Variants in OPHN1 observed in about 807,000 individuals in gnomAD.
The protein encoded by OPHN1 is oligophrenin 1.
A neutral mutation model predicts 60.7 loss-of-function variants in OPHN1; 11 were observed. The observed-to-expected ratio is 0.18, with a 90% CI of 0.11 to 0.30. The LOEUF (loss-of-function observed/expected upper bound fraction) is 0.30, where lower values mean the gene tolerates loss of function less well. Among genes scored for constraint, OPHN1 ranks in the 10% least tolerant of loss-of-function variants. The pLI is 1.00. For synonymous variants in OPHN1, 226 were observed against 222.6 expected, an observed-to-expected ratio of 1.02 and a Z score of -0.14; for missense variants, 449 against 611.0, an observed-to-expected ratio of 0.73 and a Z score of 2.80.
chrX:68,272,280 A>C (rs1024741376), intron 5 of OPHN1, among the ~76,000 whole-genome samples: 9 of 111,271 alleles, frequency 8.1e-5, no homozygotes, highest in African/African-American at 2.9e-4. Context: ...AGAAGTATGA[A>C]AAAAGATAGA....
intron 10 of OPHN1, among the ~76,000 whole-genome samples, chrX:68,203,605 T>C (rs2077545192): frequency 8.9e-6 from 1 of 111,798 alleles, no homozygotes. Flanking sequence ...CTCTTTAAAT[T>C]CTCAATGTCC....
chrX:68,188,521 C>T (rs927638551), intron 15 of OPHN1, among the ~76,000 whole-genome samples: 1 of 111,886 alleles, frequency 8.9e-6, no homozygotes, highest in Admixed American at 9.5e-5. Context: ...CATATACACA[C>T]ATATACAAGG....
intron 18 of OPHN1, among the ~76,000 whole-genome samples, chrX:68,099,068 T>G (rs768846557): frequency 8.9e-6 from 1 of 111,852 alleles, no homozygotes; most frequent in Admixed American, 9.5e-5. Flanking sequence ...TAAAGCCACC[T>G]TCTGATTCTC....
At chrX:68,146,873 CAT>C (rs769893448) in intron 15 of OPHN1, among the ~76,000 whole-genome samples, 22 of 111,716 alleles carry the variant, frequency 2.0e-4, no homozygotes, top group African/African-American at 6.8e-4. Context: ...CAAAGGCAAA[CAT>C]GTTCACAAGC....
intron 15 of OPHN1, among the ~76,000 whole-genome samples, chrX:68,139,046 AAC>A (rs1259896489): frequency 1.8e-5 from 2 of 112,056 alleles, no homozygotes; most frequent in African/African-American, 3.2e-5. Context: ...GTATAGAAAA[AAC>A]AGTCACCAGA....
intron 5 of OPHN1, among the ~76,000 whole-genome samples, chrX:68,251,406 G>T (rs1005214236): frequency 9.2e-6 from 1 of 108,674 alleles, no homozygotes; most frequent in African/African-American, 3.4e-5. Flanking sequence ...AGATGGTCTC[G>T]ATCTCCTGAC....
At chrX:68,052,702 C>CAGGG in intron 22 of OPHN1, 112 bp from the exon 23 acceptor site, 2 of 690,439 alleles carry the variant, frequency 2.9e-6, no homozygotes, top group Non-Finnish European at 4.5e-6. Flanking sequence ...CAATGCCAGC[C>CAGGG]CCTGCCTTTG....
intron 2 of OPHN1, among the ~76,000 whole-genome samples, chrX:68,408,886 G>T (rs750170101): frequency 8.9e-6 from 1 of 112,414 alleles, no homozygotes; most frequent in Non-Finnish European, 1.9e-5. Flanking sequence ...ACTTGAACTC[G>T]GGAAGCGGAG....
intron 16 of OPHN1, 120 bp downstream of exon 16, chrX:68,119,128 T>G: frequency 1.9e-6 from 1 of 522,939 alleles, no homozygotes; most frequent in Non-Finnish European, 3.4e-6. Context: ...CCTCTTCACA[T>G]GTTTTTTCTT....
At chrX:68,158,281 G>A (rs1268752005) in intron 15 of OPHN1, among the ~76,000 whole-genome samples, 1 of 112,585 alleles carries the variant, frequency 8.9e-6, no homozygotes, top group African/African-American at 3.2e-5. Flanking sequence ...TTCAAACACA[G>A]GTAGGTACTG....
At chrX:68,284,120 T>C (rs1175954865) in intron 3 of OPHN1, among the ~76,000 whole-genome samples, 1 of 111,672 alleles carries the variant, frequency 9.0e-6, no homozygotes, top group African/African-American at 3.2e-5. Context: ...AGATTTTAAT[T>C]GGCATTTTTC....
At chrX:68,053,897 G>A in intron 21 of OPHN1, 87 bp from the exon 22 acceptor site, 2 of 985,802 alleles carry the variant, frequency 2.0e-6, no homozygotes, top group Non-Finnish European at 2.8e-6. Flanking sequence ...AGAGTTACCT[G>A]GGCCAACTTC....
At chrX:68,347,332 C>T (rs953572465) in intron 2 of OPHN1, among the ~76,000 whole-genome samples, 4 of 110,832 alleles carry the variant, frequency 3.6e-5, no homozygotes, top group African/African-American at 9.9e-5. Context: ...ATATTTATAT[C>T]TTTAGACAGG....
intron 2 of OPHN1, among the ~76,000 whole-genome samples, chrX:68,388,944 T>C (rs1395192000): frequency 9.2e-6 from 1 of 108,854 alleles, no homozygotes; most frequent in Admixed American, 9.8e-5. Context: ...ATACAGACAA[T>C]GGAATACTAG....
At chrX:68,407,148 G>A (rs974906850) in intron 2 of OPHN1, among the ~76,000 whole-genome samples, 1 of 112,600 alleles carries the variant, frequency 8.9e-6, no homozygotes, top group Non-Finnish European at 1.9e-5. Context: ...AGGTTGCAGT[G>A]AGCCCAGATC....
intron 18 of OPHN1, among the ~76,000 whole-genome samples, chrX:68,104,690 G>A (rs1266570579): frequency 1.8e-5 from 2 of 111,817 alleles, no homozygotes; most frequent in African/African-American, 3.3e-5. Flanking sequence ...AATGTAAGAC[G>A]TAAAACCATA....
At chrX:68,359,006 T>C (rs1213530905) in intron 2 of OPHN1, among the ~76,000 whole-genome samples, 1 of 111,861 alleles carries the variant, frequency 8.9e-6, no homozygotes, top group Non-Finnish European at 1.9e-5. Flanking sequence ...TGGTCTACAG[T>C]TTGGAAAAAG....
chrX:68,360,659 G>A (rs768509710), intron 2 of OPHN1, among the ~76,000 whole-genome samples: 4 of 110,685 alleles, frequency 3.6e-5, no homozygotes, highest in Non-Finnish European at 5.7e-5. Flanking sequence ...GGCACATGCC[G>A]GTAGTCCCAC....
intron 15 of OPHN1, among the ~76,000 whole-genome samples, chrX:68,163,516 T>C (rs1364388450): frequency 9.1e-6 from 1 of 110,453 alleles, no homozygotes; most frequent in Non-Finnish European, 1.9e-5. Flanking sequence ...TTTCCATATA[T>C]TGACTAATGT....
Sources: allele counts gnomAD v4.1 joint callset (sites outside exome capture counted in the v4.1 genomes callset), GRCh38; gene constraint gnomAD v4.1.1; transcripts MANE v1.5; gene names NCBI Gene and HGNC (gene_info 2026-07-23, HGNC 2026-07-21).